Variants in PREX2 observed in about 807,000 individuals in gnomAD.
PREX2 encodes phosphatidylinositol-3,4,5-trisphosphate dependent Rac exchange factor 2.
In PREX2, 107 loss-of-function variants were observed where a neutral mutation model predicts 203.2. The observed-to-expected ratio is 0.53, with a 90% CI of 0.45 to 0.62. PREX2 has a LOEUF of 0.62. PREX2 is among the 20% of genes least tolerant of loss of function. PREX2 has a pLI of 0.00. For missense variants in PREX2, 1,777 were observed against 1,955.9 expected (o/e 0.91, Z 1.72); for synonymous variants, 672 against 663.6 (o/e 1.01, Z -0.19).
intron 1 of PREX2, among the ~76,000 whole-genome samples, chr8:67,998,405 T>C (rs1226466071): frequency 6.6e-6 from 1 of 152,230 alleles, no homozygotes; most frequent in African/African-American, 2.4e-5. Flanking sequence ...GGTGAAGGCT[T>C]ACTGGCTGGT....
chr8:68,023,564 T>A (rs548639334), intron 4 of PREX2, among the ~76,000 whole-genome samples: 45 of 152,238 alleles, frequency 3.0e-4, no homozygotes, highest in Middle Eastern at 3.4e-3. Flanking sequence ...CTCAGTGTTG[T>A]TTGTCTGTTC....
intron 11 of PREX2, among the ~76,000 whole-genome samples, chr8:68,064,539 GT>G (rs71554620): frequency 0.7 from 103,916 of 149,364 alleles, 35,834 homozygotes; most frequent in East Asian, 0.75. Flanking sequence ...CAGCTAATTT[GT>G]TTTTTTTTTT....
Position 68,109,548 on chromosome 8 carries a change from A to C in PREX2, c.3071A>C (p.Asp1024Ala), listed in dbSNP as rs1810494418. The change falls in exon 25 of 40, where the codon GAC (aspartate) becomes GCC (alanine). Residue 1024 changes from aspartate to alanine, a missense_variant. Coordinates refer to ENST00000288368, the MANE Select transcript of PREX2 (RefSeq NM_024870.4). The part of the protein sequence containing the change: ...LLKEEDLETQ[D>A]IYQKLLGKLQ... ...AAAGAAGAAGACTTAGAAACCCAAGACATCTATCAGAAACTGCTGGGCAAA... is the reference window on the plus strand; with the variant it reads ...AAAGAAGAAGACTTAGAAACCCAAGCCATCTATCAGAAACTGCTGGGCAAA... 6.2e-7 allele frequency: 1 copy of C among 1,614,034 alleles called. No individual in the cohort carries two copies. Among genetic ancestry groups the C allele is most frequent in the South Asian group, 1.1e-5 (1 of 91,082 alleles).
In PREX2 at chr8:68,235,669, A is replaced by C. The variant is rs1813252437; in HGVS notation, c.*4291A>C. 6.6e-6 allele frequency: 1 copy of C among 152,194 alleles called. No individual in the cohort carries two copies. The highest frequency in any genetic ancestry group is 6.5e-5 in the Admixed American group (1 of 15,274). 9.4% of individuals were successfully genotyped at this position (152,194 alleles called of 1,614,324 possible). A position where few individuals can be genotyped will look rare whatever the true frequency, so the allele number is the denominator to read the frequency against. On this transcript the variant is annotated 3_prime_UTR_variant, in exon 40 of 40. Coordinates refer to ENST00000288368, the MANE Select transcript of PREX2 (RefSeq NM_024870.4). ...ATTACAAGAGGGGTCTGTACCAAAA[A>C]TGGCCCCAGGATATTCCATTGAACA...
At chr8:68,052,239 G>T (rs1808544894) in intron 8 of PREX2, among the ~76,000 whole-genome samples, 2 of 152,104 alleles carry the variant, frequency 1.3e-5, no homozygotes, top group African/African-American at 2.4e-5. Context: ...ATTGGTACAG[G>T]TGCTGACTCA....
At chr8:68,134,402 C>A in intron 32 of PREX2, 126 bp downstream of exon 32, 1 of 699,384 alleles carries the variant, frequency 1.4e-6, no homozygotes, top group Non-Finnish European at 2.4e-6. Flanking sequence ...CATTCAGCTA[C>A]TTTAAAAATA....
At position 67,952,478 on chromosome 8, in the gene PREX2, C is replaced by T. The variant is rs1404489075; in HGVS notation, c.84C>T (p.Leu28=). ...AGCTTCGCCTGCGCGTGTGCGTGCT[C>T]AGCGAGCTCCAGAAGACCGAGCGGG... ...EKQLRLRVCV[L]SELQKTERDY... is the part of the protein sequence containing the mutation. The change falls in exon 1 of 40, where the codon CTC becomes CTT. Residue 28 remains leucine (L), a synonymous_variant. Coordinates refer to ENST00000288368, the MANE Select transcript of PREX2 (RefSeq NM_024870.4). 1.2e-6 allele frequency: 2 copies of T among 1,606,102 alleles called. No individual in the cohort carries two copies. The highest frequency in any genetic ancestry group is 1.7e-5 in the Admixed American group (1 of 59,244).
At chr8:68,112,693 G>A (rs775981738) in intron 25 of PREX2, among the ~76,000 whole-genome samples, 5 of 152,052 alleles carry the variant, frequency 3.3e-5, no homozygotes, top group East Asian at 1.9e-4. Context: ...ATGAAACACC[G>A]GGATGCACCC....
intron 23 of PREX2, chr8:68,105,537 C>T (rs1810385040): frequency 8.8e-7 from 1 of 1,141,582 alleles, no homozygotes; most frequent in African/African-American, 1.6e-5. Flanking sequence ...TCCATTAACA[C>T]TTCTTGACAT....
intron 35 of PREX2, among the ~76,000 whole-genome samples, chr8:68,158,867 C>G (rs1811599669): frequency 1.3e-5 from 2 of 152,126 alleles, no homozygotes; most frequent in African/African-American, 2.4e-5. Context: ...AGGTGTCCAT[C>G]ATCAGGAAGG....
chr8:68,167,858 G>A (rs965609185), intron 35 of PREX2, among the ~76,000 whole-genome samples: 4 of 152,068 alleles, frequency 2.6e-5, no homozygotes, highest in Admixed American at 2.6e-4. Flanking sequence ...ACCCCAAATT[G>A]GAAACAAATC....
chr8:68,207,896 A>T (rs1812667656), intron 37 of PREX2, among the ~76,000 whole-genome samples: 1 of 152,048 alleles, frequency 6.6e-6, no homozygotes, highest in Non-Finnish European at 1.5e-5. Flanking sequence ...CAACCAGGGC[A>T]TATGAGATCA....
In PREX2 at chr8:68,235,489, G is replaced by A. The variant is rs1813249309; in HGVS notation, c.*4111G>A. On this transcript the variant is annotated 3_prime_UTR_variant, in exon 40 of 40. Coordinates refer to ENST00000288368, the MANE Select transcript of PREX2 (RefSeq NM_024870.4). ...CAATTTGCTAAATGAATTGTCGGTT[G>A]TCCTGCTTAAGTACTAGGGCCAAGC... The A allele has an allele frequency of 6.6e-6, 1 of 152,114 alleles. No individual in the cohort carries two copies. The allele number at this position is 152,114 out of a possible 1,614,324, so 9.4% of individuals were successfully genotyped here. A position where few individuals can be genotyped will look rare whatever the true frequency, so the allele number is the denominator to read the frequency against.
chr8:68,162,417 AACTT>A (rs1563570862), intron 35 of PREX2, among the ~76,000 whole-genome samples: 1 of 152,154 alleles, frequency 6.6e-6, no homozygotes, highest in Non-Finnish European at 1.5e-5. Context: ...TCAGTATTTT[AACTT>A]ACTTAGAAAT....
rs540753773 is a variant in PREX2, at chr8:68,071,023, A to G, written c.1493+1139A>G. 5.4e-4 allele frequency among the ~76,000 whole-genome samples: 82 copies of G among 152,332 alleles called. 1 individual carries two copies. In the Middle Eastern group the frequency reaches 0.014, roughly 25 times the overall value. On this transcript the variant is annotated intron_variant, in intron 13 of 39. Coordinates refer to ENST00000288368, the MANE Select transcript of PREX2 (RefSeq NM_024870.4). ...ACTTGATATTAAGTACTTAATAGCAATTGGGTACTTAAATATTCTTTTCTG... is the reference window on the plus strand; with the variant it reads ...ACTTGATATTAAGTACTTAATAGCAGTTGGGTACTTAAATATTCTTTTCTG...
intron 1 of PREX2, among the ~76,000 whole-genome samples, chr8:67,976,798 A>G (rs925872339): frequency 9.2e-5 from 12 of 130,878 alleles, no homozygotes; most frequent in African/African-American, 2.7e-4. Flanking sequence ...GCGAGAGGGG[A>G]GAGAGAGAGA....
chr8:68,120,257 A>G lies in PREX2; in HGVS notation c.3566A>G (p.Lys1189Arg). ...GTTGTGAGGGCCTTTGACCAAACCA[A>G]GTATCTCACTCCAGGCCGAGGATTG... is the stretch of plus-strand genomic sequence containing the variant. Reference protein sequence around the residue: ...QAVVRAFDQTKYLTPGRGLQE... With the variant: ...QAVVRAFDQTRYLTPGRGLQE... Residue 1189 changes from lysine to arginine, a missense_variant, in exon 29 of 40, where the codon AAG (lysine) becomes AGG (arginine). Lys to Arg is a conservative substitution (Grantham distance 26, BLOSUM62 2). Coordinates refer to ENST00000288368, the MANE Select transcript of PREX2 (RefSeq NM_024870.4). The G allele has an allele frequency of 1.9e-6, 3 of 1,613,838 alleles. No homozygotes were observed. Among genetic ancestry groups the G allele is most frequent in the Non-Finnish European group, 2.5e-6 (3 of 1,179,766 alleles).
At chr8:68,034,831 C>T (rs576080533) in intron 6 of PREX2, among the ~76,000 whole-genome samples, 61 of 152,174 alleles carry the variant, frequency 4.0e-4, no homozygotes, top group African/African-American at 1.4e-3. Context: ...AGTGCTGGGA[C>T]TTGTTTCTTT....
At chr8:68,136,578 G>A (rs1196885569) in intron 32 of PREX2, among the ~76,000 whole-genome samples, 1 of 152,144 alleles carries the variant, frequency 6.6e-6, no homozygotes, top group Non-Finnish European at 1.5e-5. Context: ...CTTGCTTTGT[G>A]AATTTCTGTC....
Sources: allele counts gnomAD v4.1 joint callset (sites outside exome capture counted in the v4.1 genomes callset), GRCh38; gene constraint gnomAD v4.1.1; transcripts MANE v1.5; gene names NCBI Gene and HGNC (gene_info 2026-07-23, HGNC 2026-07-21).